Variants in RUNX1 observed in about 807,000 individuals in gnomAD.
The protein encoded by RUNX1 is runt-related transcription factor 1.
A neutral mutation model predicts 42.8 loss-of-function variants in RUNX1; 19 were observed. The observed-to-expected ratio is 0.44, with a 90% CI of 0.31 to 0.65. The LOEUF (loss-of-function observed/expected upper bound fraction) is 0.65, where lower values mean the gene tolerates loss of function less well. Ranked by LOEUF, RUNX1 falls within the 30% of genes least tolerant of loss-of-function variation. The pLI is 0.07. For missense variants in RUNX1, 528 were observed against 672.0 expected (o/e 0.79, Z 2.37); for synonymous variants, 271 against 289.4 (o/e 0.94, Z 0.64).
At chr21:35,043,675 A>T (rs1429082300) in intron 2 of RUNX1, among the ~76,000 whole-genome samples, 1 of 152,220 alleles carries the variant, frequency 6.6e-6, no homozygotes, top group Non-Finnish European at 1.5e-5. Flanking sequence ...CATTTTGCAG[A>T]ACTCAAATGA....
intron 4 of RUNX1, 54 bp downstream of exon 4, chr21:34,886,789 C>G (rs1190605478): frequency 1.2e-6 from 2 of 1,610,520 alleles, no homozygotes; most frequent in Non-Finnish European, 1.7e-6. Flanking sequence ...CGCGGATCTC[C>G]CCCGGCCTCG....
At chr21:35,010,964 T>C (rs140902504) in intron 2 of RUNX1, among the ~76,000 whole-genome samples, 1 of 152,338 alleles carries the variant, frequency 6.6e-6, no homozygotes, top group Non-Finnish European at 1.5e-5. Context: ...TGCTATGTTT[T>C]CTAGAATTCA....
At chr21:34,926,770 C>G (rs1056620333) in intron 2 of RUNX1, among the ~76,000 whole-genome samples, 1 of 152,002 alleles carries the variant, frequency 6.6e-6, no homozygotes, top group Non-Finnish European at 1.5e-5. Context: ...GATTTCTTTT[C>G]TAAGCACAGG....
intron 2 of RUNX1, among the ~76,000 whole-genome samples, chr21:34,905,488 G>A (rs1007175011): frequency 1.3e-5 from 2 of 152,072 alleles, no homozygotes; most frequent in African/African-American, 2.4e-5. Flanking sequence ...TTCTGATCAT[G>A]GTAAACACAG....
chr21:34,813,685 G>GGT (rs764138375), intron 7 of RUNX1, among the ~76,000 whole-genome samples: 36 of 152,112 alleles, frequency 2.4e-4, no homozygotes, highest in Admixed American at 8.5e-4. Flanking sequence ...CATCTGGGAG[G>GGT]GTACAGGCTA....
At chr21:35,029,915 G>A (rs1270588876) in intron 2 of RUNX1, among the ~76,000 whole-genome samples, 1 of 152,178 alleles carries the variant, frequency 6.6e-6, no homozygotes, top group Non-Finnish European at 1.5e-5. Flanking sequence ...GGGCTGTTTG[G>A]TAGCATCTTT....
At chr21:34,915,872 A>G (rs1440062204) in intron 2 of RUNX1, among the ~76,000 whole-genome samples, 1 of 152,240 alleles carries the variant, frequency 6.6e-6, no homozygotes, top group Non-Finnish European at 1.5e-5. Flanking sequence ...GCTGAATATC[A>G]ACAGCCTCTT....
At chr21:35,007,934 A>C (rs185154921) in intron 2 of RUNX1, among the ~76,000 whole-genome samples, 26 of 152,004 alleles carry the variant, frequency 1.7e-4, no homozygotes, top group African/African-American at 5.5e-4. Flanking sequence ...GCCCTTTAGA[A>C]CTCAGCCCCA....
At chr21:35,045,305 G>C (rs1158214501) in intron 2 of RUNX1, among the ~76,000 whole-genome samples, 5 of 152,064 alleles carry the variant, frequency 3.3e-5, no homozygotes. Context: ...GAGCAGCCAG[G>C]ATGCCCCATC....
At chr21:34,874,504 G>C (rs1028859308) in intron 5 of RUNX1, among the ~76,000 whole-genome samples, 1 of 150,796 alleles carries the variant, frequency 6.6e-6, no homozygotes, top group African/African-American at 2.4e-5. Context: ...CAGCTACTTG[G>C]GAGGCCGAGG....
Position 34,834,614 on chromosome 21 carries a change from G to A in RUNX1, c.614-13C>T. On this transcript the variant is annotated splice_polypyrimidine_tract_variant and intron_variant, in intron 6 of 8. Coordinates refer to ENST00000675419, the MANE Select transcript of RUNX1 (RefSeq NM_001754.5). ...TTCTGCCGATGTCCTATTGTGGGGAGCAGGGAGGGGAGGGGATGGGGGGAG... is the reference window on the plus strand; with the variant it reads ...TTCTGCCGATGTCCTATTGTGGGGAACAGGGAGGGGAGGGGATGGGGGGAG... The A allele has an allele frequency of 6.2e-7, 1 of 1,602,302 alleles. No individual in the cohort carries two copies. The highest frequency in any genetic ancestry group is 8.5e-7 in the Non-Finnish European group (1 of 1,172,042).
intron 2 of RUNX1, among the ~76,000 whole-genome samples, chr21:34,962,772 C>T (rs758305661): frequency 6.6e-6 from 1 of 152,210 alleles, no homozygotes; most frequent in Admixed American, 6.5e-5. Context: ...GGGAACATGG[C>T]GTTTCTTCTG....
At chr21:34,975,090 C>T (rs1181604956) in intron 2 of RUNX1, among the ~76,000 whole-genome samples, 1 of 151,706 alleles carries the variant, frequency 6.6e-6, no homozygotes, top group Non-Finnish European at 1.5e-5. Context: ...GGATAAATTG[C>T]CCATATGCTA....
chr21:34,900,961 T>A (rs1368820485), intron 2 of RUNX1, among the ~76,000 whole-genome samples: 1 of 152,202 alleles, frequency 6.6e-6, no homozygotes, highest in Admixed American at 6.5e-5. Context: ...ATATAGCATA[T>A]AAATTTTTCA....
intron 2 of RUNX1, among the ~76,000 whole-genome samples, chr21:35,026,375 G>T (rs1178746448): frequency 2.6e-5 from 4 of 152,168 alleles, no homozygotes; most frequent in Non-Finnish European, 1.5e-5. Context: ...GGGGAAGATT[G>T]ATAATTAGTT....
chr21:34,887,892 A>C, intron 3 of RUNX1: 1 of 1,065,262 alleles, frequency 9.4e-7, no homozygotes, highest in Non-Finnish European at 1.1e-6. Context: ...AATTCTGTCA[A>C]AACGCTCAGT....
intron 2 of RUNX1, among the ~76,000 whole-genome samples, chr21:34,934,290 G>C (rs1327503729): frequency 6.6e-6 from 1 of 151,574 alleles, no homozygotes; most frequent in Non-Finnish European, 1.5e-5. Flanking sequence ...AATCATCTTA[G>C]GCTAAGACAC....
intron 2 of RUNX1, among the ~76,000 whole-genome samples, chr21:34,978,859 T>C (rs1043921125): frequency 1.1e-4 from 16 of 151,832 alleles, no homozygotes; most frequent in African/African-American, 3.6e-4. Flanking sequence ...CTAAGCCACC[T>C]GGATGCAAAG....
chr21:34,799,131 C>T (rs2056571940), intron 8 of RUNX1, among the ~76,000 whole-genome samples, 170 bp downstream of exon 8: 1 of 152,214 alleles, frequency 6.6e-6, no homozygotes, highest in Non-Finnish European at 1.5e-5. Flanking sequence ...ATCTCTGCCT[C>T]TTATGTATCC....
Sources: gnomAD v4.1 joint callset for allele counts (sites outside exome capture counted in the v4.1 genomes callset) on GRCh38, gnomAD v4.1.1 for gene constraint, MANE v1.5 for transcripts, NCBI Gene and HGNC (gene_info 2026-07-23, HGNC 2026-07-21) for gene names.